SLAIN1: variants seen among roughly 807,000 people sequenced by gnomAD.
SLAIN1 encodes SLAIN motif-containing protein 1.
In SLAIN1, 17 loss-of-function variants were observed where a neutral mutation model predicts 55.4. That is an observed-to-expected ratio of 0.31 (90% CI 0.21 to 0.46). The LOEUF (loss-of-function observed/expected upper bound fraction) is 0.46. Ranked by LOEUF, SLAIN1 falls within the 20% of genes least tolerant of loss-of-function variation. The probability of loss-of-function intolerance (pLI) is 1.00; values close to 1 mark genes in which losing one functional copy is unlikely to be tolerated. For synonymous variants in SLAIN1, 348 were observed against 337.4 expected, an observed-to-expected ratio of 1.03 and a Z score of -0.35; for missense variants, 682 against 785.1, an observed-to-expected ratio of 0.87 and a Z score of 1.57.
intron 2 of SLAIN1, among the ~76,000 whole-genome samples, chr13:77,726,377 T>C (rs1006329437): frequency 6.6e-6 from 1 of 152,208 alleles, no homozygotes; most frequent in South Asian, 2.1e-4. Flanking sequence ...ATGACTAATA[T>C]GTATCTAATA....
chr13:77,698,889 T>A lies in SLAIN1; in HGVS notation c.626+350T>A, dbSNP rs1001050209. 6.5e-7 allele frequency: 1 copy of A among 1,531,880 alleles called. No homozygotes were observed. The highest frequency in any genetic ancestry group is 8.7e-7 in the Non-Finnish European group (1 of 1,145,082). The allele number at this position is 1,531,880 out of a possible 1,614,324, so 94.9% of individuals were successfully genotyped here. On this transcript the variant is annotated intron_variant, in intron 1 of 6. Transcript: ENST00000418532. This position sits in a 1 kb window ranked among gnomAD's most constrained non-coding sequence, Gnocchi z 4.1. ...ATCTTGTCTTTTTGCTCAGTGCTGCTCTTTTCCCCAGTGTTTTCGGAGGGA... is the reference window on the plus strand; with the variant it reads ...ATCTTGTCTTTTTGCTCAGTGCTGCACTTTTCCCCAGTGTTTTCGGAGGGA...
chr13:77,723,434 A>AG (rs1006293043), intron 2 of SLAIN1, among the ~76,000 whole-genome samples: 3 of 152,198 alleles, frequency 2.0e-5, no homozygotes, highest in African/African-American at 7.2e-5. Flanking sequence ...GGGAGAGTAG[A>AG]GGGAAAAAGG....
At chr13:77,724,174 A>C (rs2091287348) in intron 2 of SLAIN1, among the ~76,000 whole-genome samples, 1 of 152,134 alleles carries the variant, frequency 6.6e-6, no homozygotes, top group Admixed American at 6.6e-5. Context: ...CAGGTAATGA[A>C]GCCTGTCTTT....
At chr13:77,745,886 A>G (rs1055252396) in intron 3 of SLAIN1, among the ~76,000 whole-genome samples, 1 of 151,938 alleles carries the variant, frequency 6.6e-6, no homozygotes, top group African/African-American at 2.4e-5. Context: ...AGTACTGGCA[A>G]TGGGTTAAAT....
chr13:77,697,790 AGCCCGCGCGTGGTCGGCCCCCCAG>A lies in SLAIN1; in HGVS notation c.-120_-97del. 2 of 1,055,076 alleles carry A rather than the reference AGCCCGCGCGTGGTCGGCCCCCCAG, an allele frequency of 1.9e-6. No individual in the cohort carries two copies. The highest frequency in any genetic ancestry group is 2.4e-6 in the Non-Finnish European group (2 of 848,818). The allele number at this position is 1,055,076 out of a possible 1,614,324, so 65.4% of individuals were successfully genotyped here. On this transcript the variant is annotated 5_prime_UTR_variant, in exon 1 of 7. Transcript: ENST00000418532. ...TGATGCGAACCGCCGGCTCGGCCTC[AGCCCGCGCGTGGTCGGCCCCCCAG>A]GCCGGGGCGACAGGGAAGGAGCCGT...
At chr13:77,719,989 C>G (rs1168814477) in intron 2 of SLAIN1, among the ~76,000 whole-genome samples, 1 of 151,682 alleles carries the variant, frequency 6.6e-6, no homozygotes, top group Non-Finnish European at 1.5e-5. Context: ...GCTCTGGGGT[C>G]AGTAACAAGG....
At chr13:77,706,961 T>A (rs539547062) in intron 1 of SLAIN1, among the ~76,000 whole-genome samples, 13 of 152,312 alleles carry the variant, frequency 8.5e-5, no homozygotes, top group African/African-American at 3.1e-4. Context: ...TTCCTAGTAT[T>A]CTAAAATGTC....
chr13:77,744,178 C>T, intron 2 of SLAIN1, 105 bp from the exon 3 acceptor site: 1 of 858,956 alleles, frequency 1.2e-6, no homozygotes, highest in South Asian at 1.4e-5. Flanking sequence ...ATTTTTGTAA[C>T]ATGAAAACAT....
chr13:77,736,555 C>A (rs757157413), intron 2 of SLAIN1, among the ~76,000 whole-genome samples: 4 of 152,054 alleles, frequency 2.6e-5, no homozygotes, highest in Non-Finnish European at 4.4e-5. Context: ...ACAACAACAA[C>A]AAAACAACAA....
intron 1 of SLAIN1, among the ~76,000 whole-genome samples, chr13:77,702,716 A>AT (rs112755865): frequency 0.3 from 45,859 of 151,314 alleles, 8,906 homozygotes; most frequent in African/African-American, 0.55. Flanking sequence ...CATCACTGAT[A>AT]TTTTTTTTTC....
chr13:77,761,394 G>A (rs1875009765), intron 6 of SLAIN1, among the ~76,000 whole-genome samples: 1 of 152,104 alleles, frequency 6.6e-6, no homozygotes, highest in Non-Finnish European at 1.5e-5. Flanking sequence ...AGCTTTTGTA[G>A]CTTTCTGCTC....
chr13:77,728,169 C>T (rs898919930), intron 2 of SLAIN1, among the ~76,000 whole-genome samples: 8 of 152,094 alleles, frequency 5.3e-5, no homozygotes, highest in African/African-American at 1.9e-4. Flanking sequence ...TTTCTAACCC[C>T]CCTCTACCCC....
rs1465963771 is a variant in SLAIN1 at position 77,741,378 on chromosome 13, G to T, written c.767-2905G>T. The stretch of plus-strand genomic sequence containing the variant: ...TGGAGTCAAGTTGACCTACATAGAA[G>T]AGAAGGAACTGGAAGTGCATGTCTG... On this transcript the variant is annotated intron_variant, in intron 2 of 6. Transcript: ENST00000418532. 5.1e-6 allele frequency: 5 copies of T among 987,318 alleles called. No homozygotes were observed. In the African/African-American group the frequency reaches 8.7e-5, roughly 17 times the overall value. 61.2% of individuals were successfully genotyped at this position (987,318 alleles called of 1,614,324 possible).
At chr13:77,757,351 G>A (rs559500956) in intron 5 of SLAIN1, among the ~76,000 whole-genome samples, 2 of 152,180 alleles carry the variant, frequency 1.3e-5, no homozygotes, top group East Asian at 3.9e-4. Context: ...AAAGCTAAAT[G>A]GGAACACACC....
intron 1 of SLAIN1, among the ~76,000 whole-genome samples, chr13:77,708,175 G>A (rs2091109233): frequency 6.6e-6 from 1 of 152,200 alleles, no homozygotes; most frequent in Non-Finnish European, 1.5e-5. Flanking sequence ...TGAATATGCT[G>A]TGAGGCAGTG....
At chr13:77,712,162 A>G (rs2091158340) in intron 1 of SLAIN1, among the ~76,000 whole-genome samples, 1 of 152,196 alleles carries the variant, frequency 6.6e-6, no homozygotes, top group African/African-American at 2.4e-5. Context: ...CTGGCACAAG[A>G]CAAAGATGCC....
chr13:77,697,853 C>G lies in SLAIN1; in HGVS notation c.-61C>G. 1 of 1,260,772 alleles carries G rather than the reference C, an allele frequency of 7.9e-7. No individual in the cohort carries two copies. 78.1% of individuals were successfully genotyped at this position (1,260,772 alleles called of 1,614,324 possible). A position where few individuals can be genotyped will look rare whatever the true frequency, so the allele number is the denominator to read the frequency against. On this transcript the variant is annotated 5_prime_UTR_variant, in exon 1 of 7. Coordinates refer to ENST00000418532, the MANE Select transcript of SLAIN1 (RefSeq NM_001242868.2). ...GGAAGGAGCCGTAGCCTCCCCGTGGCCCGAGGAGCCGGCGCGGCGGCGCGC... is the reference window on the plus strand; with the variant it reads ...GGAAGGAGCCGTAGCCTCCCCGTGGGCCGAGGAGCCGGCGCGGCGGCGCGC...
In SLAIN1 at chr13:77,764,138, A is replaced by G. The variant is rs1283833357; in HGVS notation, c.*918A>G. The G allele has an allele frequency of 6.6e-6, 1 of 152,654 alleles. No homozygotes were observed. Among genetic ancestry groups the G allele is most frequent in the Non-Finnish European group, 1.5e-5 (1 of 68,028 alleles). The allele number at this position is 152,654 out of a possible 1,614,324, so 9.5% of individuals were successfully genotyped here. A position where few individuals can be genotyped will look rare whatever the true frequency, so the allele number is the denominator to read the frequency against. On this transcript the variant is annotated 3_prime_UTR_variant, in exon 7 of 7. Transcript: ENST00000418532. ...CCTTTTACAAAATCCATTTGCACTA[A>G]TGAATGCTTTCTTATGGCATATAAC...
chr13:77,758,540 A>G (rs1193308340), intron 5 of SLAIN1, among the ~76,000 whole-genome samples: 1 of 152,116 alleles, frequency 6.6e-6, no homozygotes, highest in Non-Finnish European at 1.5e-5. Flanking sequence ...ATTATCTTCT[A>G]GAATTTTTAT....
Sources: allele counts gnomAD v4.1 joint callset (sites outside exome capture counted in the v4.1 genomes callset), GRCh38; gene constraint gnomAD v4.1.1; non-coding constraint Gnocchi (gnomAD v3.1); transcripts MANE v1.5; gene names NCBI Gene and HGNC (gene_info 2026-07-23, HGNC 2026-07-21).